ADCY10: variants seen among roughly 807,000 people sequenced by gnomAD.
ADCY10 encodes adenylate cyclase type 10.
ADCY10 carries 156 observed loss-of-function variants against 183.3 expected under a neutral mutation model. The ratio of observed to expected loss-of-function variants is 0.85; its 90% CI spans 0.75 to 0.97. ADCY10 has a LOEUF of 0.97. ADCY10 is among the 50% of genes least tolerant of loss of function. The pLI is 0.00. For synonymous variants in ADCY10, 645 were observed against 670.0 expected, an observed-to-expected ratio of 0.96 and a Z score of 0.58; for missense variants, 1,745 against 1,934.3, an observed-to-expected ratio of 0.90 and a Z score of 1.84.
rs1353764729 is a variant in ADCY10, at chr1:167,829,404, G to A, written c.3613C>T (p.Leu1205Phe). Reference protein sequence around the residue: ...PPPGKKRLAQLYRQTVCLSLL... With the variant: ...PPPGKKRLAQFYRQTVCLSLL... ...GAAAGGCAGACAGTTTGCCGGTAAA[G>A]TTGTGCCAGCCTCTTCTTCCTATTG... The change falls in exon 26 of 33, where the codon CTT becomes TTT. Residue 1205 changes from leucine to phenylalanine, a missense_variant. Leu to Phe is a conservative substitution (Grantham distance 22, BLOSUM62 0). Transcript: ENST00000367851. The A allele has an allele frequency of 1.2e-6, 2 of 1,614,024 alleles. No individual in the cohort carries two copies. Among genetic ancestry groups the A allele is most frequent in the Admixed American group, 3.3e-5 (2 of 59,998 alleles).
chr1:167,830,849 T>G (rs1007734885), intron 25 of ADCY10, among the ~76,000 whole-genome samples: 1 of 152,218 alleles, frequency 6.6e-6, no homozygotes, highest in African/African-American at 2.4e-5. Flanking sequence ...GATGCATATC[T>G]GATTTGCCTC....
chr1:167,833,267 T>C, intron 24 of ADCY10, 105 bp from the exon 25 acceptor site: 2 of 1,099,758 alleles, frequency 1.8e-6, no homozygotes, highest in Non-Finnish European at 2.8e-6. Context: ...TCAAAAAAGG[T>C]AATTTATGGA....
At chr1:167,887,335 G>T (rs1668296913) in intron 8 of ADCY10, among the ~76,000 whole-genome samples, 1 of 152,184 alleles carries the variant, frequency 6.6e-6, no homozygotes, top group Non-Finnish European at 1.5e-5. Context: ...AGAAAATGTG[G>T]CATGTATACA....
chr1:167,856,089 T>C, intron 17 of ADCY10, 76 bp downstream of exon 17: 1 of 1,533,360 alleles, frequency 6.5e-7, no homozygotes, highest in Middle Eastern at 1.7e-4. Context: ...AGACACATAC[T>C]AAGAAATCTG....
chr1:167,823,042 G>GA lies in ADCY10; in HGVS notation c.4133dup (p.Tyr1379LeufsTer16), dbSNP rs1558148854. On this transcript the variant is annotated frameshift_variant, in exon 29 of 33. Transcript: ENST00000367851. LOFTEE classifies it high-confidence loss of function. ...GCAGGATGTCCAAGCAGACAAAATA[G>GA]AAAAATGCCTTGCTGAAGATGTGTT... is the stretch of plus-strand genomic sequence containing the variant. 5.6e-6 allele frequency: 9 copies of GA among 1,614,128 alleles called. No individual in the cohort carries two copies. The highest frequency in any genetic ancestry group is 6.8e-6 in the Non-Finnish European group (8 of 1,180,018).
chr1:167,890,683 C>A (rs149346405), intron 8 of ADCY10, among the ~76,000 whole-genome samples: 3 of 152,162 alleles, frequency 2.0e-5, no homozygotes, highest in South Asian at 2.1e-4. Flanking sequence ...TCCACAGATG[C>A]CATCTGGGAG....
At chr1:167,841,502 CTTTT>C (rs71100905) in intron 21 of ADCY10, among the ~76,000 whole-genome samples, 12 of 90,898 alleles carry the variant, frequency 1.3e-4, no homozygotes, top group African/African-American at 4.4e-4. Flanking sequence ...ATATGCTTTC[CTTTT>C]TTTTTTTTTT....
chr1:167,856,239 T>A lies in ADCY10; in HGVS notation c.2097A>T (p.Ala699=), dbSNP rs141364875. ...NRNTTYIVIG[A]VQPNDISNKI... is the part of the protein sequence containing the mutation. ...TGTTGGAGATGTCGTTAGGCTGTACTGCACCAATGACAATGTAGGTGGTGT... is the reference window on the plus strand; with the variant it reads ...TGTTGGAGATGTCGTTAGGCTGTACAGCACCAATGACAATGTAGGTGGTGT... The change falls in exon 17 of 33, where the codon GCA becomes GCT. Residue 699 remains alanine, a synonymous_variant. Coordinates refer to ENST00000367851, the MANE Select transcript of ADCY10 (RefSeq NM_018417.6). The A allele has an allele frequency of 2.5e-6, 4 of 1,613,706 alleles. No homozygotes were observed. In the African/African-American group the frequency reaches 5.3e-5, roughly 22 times the overall value.
intron 18 of ADCY10, among the ~76,000 whole-genome samples, chr1:167,850,532 T>C (rs1031951155): frequency 1.3e-5 from 2 of 152,102 alleles, no homozygotes; most frequent in Middle Eastern, 3.4e-3. Flanking sequence ...AGGATAGAAC[T>C]TGAAGAATGT....
chr1:167,904,994 T>C lies in ADCY10; in HGVS notation c.147A>G (p.Ser49=). The part of the protein sequence containing the change: ...FDGVLMFVDI[S]GFTAMTEKFS... ...AACAAACATCCCTTTTGCACTTGCC[T>C]GAAATATCAACAAACATCAGGACTC... is the stretch of plus-strand genomic sequence containing the variant. Residue 49 remains serine (S), a splice_region_variant and synonymous_variant, in exon 2 of 33, where the codon TCA becomes TCG. Coordinates refer to ENST00000367851, the MANE Select transcript of ADCY10 (RefSeq NM_018417.6). 6.2e-7 allele frequency: 1 copy of C among 1,614,204 alleles called. No individual in the cohort carries two copies. The highest frequency in any genetic ancestry group is 1.7e-5 in the Admixed American group (1 of 60,024).
intron 8 of ADCY10, among the ~76,000 whole-genome samples, chr1:167,886,991 A>G (rs1668264978): frequency 1.3e-5 from 2 of 152,214 alleles, no homozygotes. Context: ...CAAAACCACA[A>G]TGAGATACCA....
chr1:167,809,812 T>C lies in ADCY10; in HGVS notation c.4699A>G (p.Lys1567Glu), dbSNP rs1662091164. The C allele has an allele frequency of 6.2e-7, 1 of 1,614,198 alleles. No homozygotes were observed. ...ATCGTCTGAAGCCATTGGTCTTCTT[T>C]TAACTCAGAGGTTGAGTACCATGAT... Reference protein sequence around the residue: ...KESWYSTSELKEDQWLQTILS... With the variant: ...KESWYSTSELEEDQWLQTILS... Residue 1567 changes from lysine to glutamate, a missense_variant, in exon 33 of 33, where the codon AAA becomes GAA. Physicochemically the swap from Lys to Glu is moderately conservative, Grantham distance 56. Coordinates refer to ENST00000367851, the MANE Select transcript of ADCY10 (RefSeq NM_018417.6).
chr1:167,904,539 C>A (rs1669685406), intron 2 of ADCY10: 3 of 339,168 alleles, frequency 8.8e-6, no homozygotes, highest in Admixed American at 8.8e-5. Context: ...ACAGTGATAA[C>A]TGCAACTTCT....
At chr1:167,906,578 G>C (rs116035184) in intron 1 of ADCY10, among the ~76,000 whole-genome samples, 2 of 149,428 alleles carry the variant, frequency 1.3e-5, no homozygotes, top group Non-Finnish European at 3.0e-5. Flanking sequence ...GCTTGAGCCC[G>C]AGTTCGAGAC....
chr1:167,883,133 G>A (rs1340358173), intron 9 of ADCY10, among the ~76,000 whole-genome samples: 2 of 152,240 alleles, frequency 1.3e-5, no homozygotes, highest in Non-Finnish European at 2.9e-5. Context: ...CGCCTCTCAG[G>A]TTCAAGCCAT....
At chr1:167,868,741 CATAG>C (rs1229659503) in intron 14 of ADCY10, among the ~76,000 whole-genome samples, 3 of 152,174 alleles carry the variant, frequency 2.0e-5, no homozygotes, top group Non-Finnish European at 4.4e-5. Flanking sequence ...GAAACATAGC[CATAG>C]ATAATTAAAA....
At chr1:167,877,160 GA>G (rs200033830) in intron 12 of ADCY10, among the ~76,000 whole-genome samples, 2 of 151,482 alleles carry the variant, frequency 1.3e-5, no homozygotes, top group East Asian at 3.9e-4. Context: ...GCTCACTATA[GA>G]TATGGCCATA....
At chr1:167,846,857 C>T (rs146967820) in intron 19 of ADCY10, among the ~76,000 whole-genome samples, 7 of 152,194 alleles carry the variant, frequency 4.6e-5, no homozygotes, top group African/African-American at 1.4e-4. Context: ...CCAGGATGTC[C>T]TTCTGTTAGG....
At chr1:167,866,530 CAAA>C (rs57450280) in intron 14 of ADCY10, among the ~76,000 whole-genome samples, 3 of 110,780 alleles carry the variant, frequency 2.7e-5, no homozygotes, top group Non-Finnish European at 6.1e-5. Context: ...CTCTATGTGC[CAAA>C]AAAAAAAAAA....
Sources: gnomAD v4.1 joint callset for allele counts (sites outside exome capture counted in the v4.1 genomes callset) on GRCh38, gnomAD v4.1.1 for gene constraint, MANE v1.5 for transcripts, NCBI Gene and HGNC (gene_info 2026-07-23, HGNC 2026-07-21) for gene names.